COL14A1: variants seen among roughly 807,000 people sequenced by gnomAD.
COL14A1 encodes collagen alpha-1(XIV) chain.
A neutral mutation model predicts 230.3 loss-of-function variants in COL14A1; 136 were observed. The ratio of observed to expected loss-of-function variants is 0.59; its 90% CI spans 0.51 to 0.68. COL14A1 has a LOEUF of 0.68. Ranked by LOEUF, COL14A1 falls within the 30% of genes least tolerant of loss-of-function variation. COL14A1 has a pLI of 0.00. For synonymous variants in COL14A1, 792 were observed against 784.1 expected (o/e 1.01, Z -0.17); for missense variants, 1,976 against 2,215.8 (o/e 0.89, Z 2.17).
chr8:120,299,077 A>G (rs551891987), intron 35 of COL14A1, among the ~76,000 whole-genome samples: 27 of 152,082 alleles, frequency 1.8e-4, no homozygotes, highest in African/African-American at 6.3e-4. Context: ...TATGATTCAT[A>G]CCTGGCTTAC....
chr8:120,314,447 G>A (rs1436526373), intron 38 of COL14A1, among the ~76,000 whole-genome samples: 1 of 151,994 alleles, frequency 6.6e-6, no homozygotes, highest in Non-Finnish European at 1.5e-5. Flanking sequence ...TATCTCAAAT[G>A]GCATCAAAGT....
chr8:120,127,209 C>G (rs1814372115), intron 1 of COL14A1, among the ~76,000 whole-genome samples: 1 of 152,188 alleles, frequency 6.6e-6, no homozygotes, highest in South Asian at 2.1e-4. Flanking sequence ...AAAATATTTT[C>G]AAGGTTCATC....
intron 3 of COL14A1, among the ~76,000 whole-genome samples, chr8:120,160,219 G>A (rs1252024978): frequency 6.6e-6 from 1 of 151,892 alleles, no homozygotes; most frequent in Non-Finnish European, 1.5e-5. Flanking sequence ...AAGCTATCAT[G>A]GGAAATTTAA....
At chr8:120,198,102 A>G (rs537914461) in intron 7 of COL14A1, among the ~76,000 whole-genome samples, 172 bp downstream of exon 7, 5 of 152,220 alleles carry the variant, frequency 3.3e-5, no homozygotes, top group Admixed American at 2.0e-4. Flanking sequence ...CAGATATCTC[A>G]TTCCTTTTAC....
At chr8:120,360,457 A>G (rs1363620260) in intron 45 of COL14A1, among the ~76,000 whole-genome samples, 1 of 152,218 alleles carries the variant, frequency 6.6e-6, no homozygotes, top group Admixed American at 6.5e-5. Context: ...TGCCAAAGCC[A>G]TACCAAACCA....
At chr8:120,138,189 C>T (rs982216902) in intron 1 of COL14A1, among the ~76,000 whole-genome samples, 1 of 150,798 alleles carries the variant, frequency 6.6e-6, no homozygotes, top group African/African-American at 2.4e-5. Flanking sequence ...AATTGTTCAA[C>T]CAGTTCTTGA....
In COL14A1 at chr8:120,371,614, A is replaced by G. The variant is rs917641280; in HGVS notation, c.*383A>G. On this transcript the variant is annotated 3_prime_UTR_variant, in exon 48 of 48. Coordinates refer to ENST00000297848, the MANE Select transcript of COL14A1 (RefSeq NM_021110.4). The stretch of plus-strand genomic sequence containing the variant: ...GAGGGAAATATGTCCCTAGCAGGAA[A>G]AGAATTCAAAGAGGTTCAAAGAATA... 2.3e-5 allele frequency: 9 copies of G among 398,530 alleles called. No individual in the cohort carries two copies. Among genetic ancestry groups the G allele is most frequent in the African/African-American group, 4.1e-5 (2 of 48,604 alleles). 24.7% of individuals were successfully genotyped at this position (398,530 alleles called of 1,614,324 possible).
intron 34 of COL14A1, among the ~76,000 whole-genome samples, chr8:120,290,009 T>C (rs1196530903): frequency 1.3e-5 from 2 of 152,218 alleles, no homozygotes; most frequent in African/African-American, 4.8e-5. Flanking sequence ...TTATATGGAA[T>C]ATGCATTAGG....
rs557566332 is a variant in COL14A1 at position 120,218,251 on chromosome 8, A to C, written c.1737+1761A>C. Among the ~76,000 whole-genome samples the C allele has an allele frequency of 3.3e-4, 39 of 117,166 alleles. No homozygotes were observed. In the East Asian group the frequency reaches 6.1e-3, roughly 18 times the overall value. The allele number at this position is 117,166 out of a possible 152,430, so 76.9% of individuals were successfully genotyped here. A position where few individuals can be genotyped will look rare whatever the true frequency, so the allele number is the denominator to read the frequency against. ...ATAAATATATAAATATAAATATATAAGTATATGTCTATATATATATAATAT... is the reference window on the plus strand; with the variant it reads ...ATAAATATATAAATATAAATATATACGTATATGTCTATATATATATAATAT... On this transcript the variant is annotated intron_variant, in intron 14 of 47. Transcript: ENST00000297848.
chr8:120,372,086 A>G lies in COL14A1; in HGVS notation c.*855A>G, dbSNP rs1319133168. 6.5e-6 allele frequency: 1 copy of G among 153,458 alleles called. No individual in the cohort carries two copies. Among genetic ancestry groups the G allele is most frequent in the African/African-American group, 2.4e-5 (1 of 41,542 alleles). 9.5% of individuals were successfully genotyped at this position (153,458 alleles called of 1,614,324 possible). A position where few individuals can be genotyped will look rare whatever the true frequency, so the allele number is the denominator to read the frequency against. ...TCTAAGTATCACCTTAAGCTTTTGT[A>G]GTCTTAACTGAGTGTCCACCAGAAA... On this transcript the variant is annotated 3_prime_UTR_variant, in exon 48 of 48. Coordinates refer to ENST00000297848, the MANE Select transcript of COL14A1 (RefSeq NM_021110.4).
At chr8:120,246,831 A>G (rs1818782226) in intron 20 of COL14A1, among the ~76,000 whole-genome samples, 1 of 152,230 alleles carries the variant, frequency 6.6e-6, no homozygotes, top group South Asian at 2.1e-4. Context: ...ATAAAAATGG[A>G]TAAGCAATAA....
At chr8:120,342,529 C>A in intron 44 of COL14A1, 83 bp downstream of exon 44, 1 of 1,280,862 alleles carries the variant, frequency 7.8e-7, no homozygotes, top group Non-Finnish European at 1.1e-6. Flanking sequence ...GAGCGTACCA[C>A]TAAGGAAAAC....
chr8:120,321,767 AT>A (rs1821456101), intron 40 of COL14A1, among the ~76,000 whole-genome samples: 1 of 152,158 alleles, frequency 6.6e-6, no homozygotes, highest in African/African-American at 2.4e-5. Flanking sequence ...TGCATTTTAT[AT>A]TGGTAAACCA....
At chr8:120,341,224 T>A in intron 42 of COL14A1, 101 bp from the exon 43 acceptor site, 1 of 1,160,012 alleles carries the variant, frequency 8.6e-7, no homozygotes, top group Non-Finnish European at 1.3e-6. Flanking sequence ...GAATTACTGG[T>A]GCTAAGAAAA....
intron 5 of COL14A1, among the ~76,000 whole-genome samples, chr8:120,192,242 T>C (rs925398741): frequency 2.0e-5 from 3 of 152,314 alleles, no homozygotes; most frequent in Middle Eastern, 3.4e-3. Flanking sequence ...GCAGGCATGG[T>C]GGTGACAAAA....
At chr8:120,349,765 T>G (rs1163011076) in intron 45 of COL14A1, among the ~76,000 whole-genome samples, 6 of 132,966 alleles carry the variant, frequency 4.5e-5, no homozygotes, top group Admixed American at 1.5e-4. Context: ...TCTGATTGGT[T>G]TACCTGAAAG....
At chr8:120,151,853 T>G (rs897079352) in intron 2 of COL14A1, among the ~76,000 whole-genome samples, 4 of 151,998 alleles carry the variant, frequency 2.6e-5, no homozygotes, top group African/African-American at 9.7e-5. Context: ...CAAAAAGTTT[T>G]AAATATGGAA....
intron 36 of COL14A1, among the ~76,000 whole-genome samples, chr8:120,307,977 T>A (rs1490295632): frequency 2.6e-5 from 4 of 152,168 alleles, no homozygotes; most frequent in South Asian, 4.1e-4. Context: ...ATTTAAAAAT[T>A]TTTTTTTAAT....
intron 19 of COL14A1, among the ~76,000 whole-genome samples, chr8:120,232,254 C>CT (rs1267534354): frequency 1.3e-5 from 2 of 151,896 alleles, no homozygotes; most frequent in Non-Finnish European, 2.9e-5. Flanking sequence ...ATGATACACT[C>CT]TTTTTTTCTA....
Sources: allele counts gnomAD v4.1 joint callset (sites outside exome capture counted in the v4.1 genomes callset), GRCh38; gene constraint gnomAD v4.1.1; transcripts MANE v1.5; gene names NCBI Gene and HGNC (gene_info 2026-07-23, HGNC 2026-07-21).